Variants in CAP2 observed in about 807,000 individuals in gnomAD.
The protein encoded by CAP2 is cyclase associated actin cytoskeleton regulatory protein 2, also known as adenylyl cyclase-associated protein 2.
Under a neutral mutation model 57.7 loss-of-function variants are expected in CAP2, and 24 were observed. The observed-to-expected ratio is 0.42, with a 90% CI of 0.30 to 0.58. The LOEUF (loss-of-function observed/expected upper bound fraction) is 0.58, where lower values mean the gene tolerates loss of function less well. Among genes scored for constraint, CAP2 ranks in the 20% least tolerant of loss-of-function variants. The probability of loss-of-function intolerance (pLI) is 0.22; values close to 1 mark genes in which losing one functional copy is unlikely to be tolerated. For synonymous variants in CAP2, 194 were observed against 207.2 expected (o/e 0.94, Z 0.55); for missense variants, 501 against 590.3 (o/e 0.85, Z 1.57).
chr6:17,518,094 C>T (rs1165195508), intron 7 of CAP2, among the ~76,000 whole-genome samples: 1 of 152,048 alleles, frequency 6.6e-6, no homozygotes, highest in Non-Finnish European at 1.5e-5. Context: ...ATCTACTTCA[C>T]TTCTCTAATG....
chr6:17,514,045 C>A, intron 7 of CAP2, 91 bp downstream of exon 7: 1 of 821,672 alleles, frequency 1.2e-6, no homozygotes, highest in Non-Finnish European at 2.1e-6. Flanking sequence ...TTAAAACTTA[C>A]CTCAAGGAAA....
chr6:17,492,461 GGCATATTATATC>G (rs1208993408), intron 4 of CAP2, among the ~76,000 whole-genome samples: 1 of 152,174 alleles, frequency 6.6e-6, no homozygotes, highest in African/African-American at 2.4e-5. Flanking sequence ...ATCAGCAGCA[GGCATATTATATC>G]CTGGACTATG....
intron 7 of CAP2, among the ~76,000 whole-genome samples, chr6:17,521,476 G>T (rs1024705385): frequency 6.6e-6 from 1 of 152,166 alleles, no homozygotes; most frequent in African/African-American, 2.4e-5. Flanking sequence ...CAGGTAGATA[G>T]TAAAGTTAGG....
chr6:17,539,038 T>A (rs1318438570), intron 7 of CAP2, among the ~76,000 whole-genome samples: 7 of 152,140 alleles, frequency 4.6e-5, no homozygotes, highest in Admixed American at 1.3e-4. Context: ...GCCGCACAGA[T>A]CCTACTGATG....
chr6:17,444,843 C>CACACACAA (rs1554123214), intron 3 of CAP2, among the ~76,000 whole-genome samples: 1 of 139,632 alleles, frequency 7.2e-6, no homozygotes, highest in Non-Finnish European at 1.6e-5. Context: ...CACACACACA[C>CACACACAA]AACACGAGTC....
intron 7 of CAP2, among the ~76,000 whole-genome samples, chr6:17,525,468 CA>C (rs35979749): frequency 7.2e-4 from 100 of 139,144 alleles, no homozygotes; most frequent in Non-Finnish European, 9.4e-4. Flanking sequence ...GATTCCATCT[CA>C]AAAAAAAAAA....
chr6:17,421,576 G>A lies in CAP2; in HGVS notation c.21G>A (p.Leu7=). 2 of 1,614,192 alleles carry A rather than the reference G, an allele frequency of 1.2e-6. No individual in the cohort carries two copies. The highest frequency in any genetic ancestry group is 1.1e-5 in the South Asian group (1 of 91,086). MANMQG[L]VERLERAVSR... ...CTAGAATGGCCAACATGCAGGGACTGGTGGAAAGACTGGAACGAGCTGTCA... is the reference window on the plus strand; with the variant it reads ...CTAGAATGGCCAACATGCAGGGACTAGTGGAAAGACTGGAACGAGCTGTCA... The change falls in exon 2 of 13, where the codon CTG becomes CTA. Residue 7 remains leucine (L), a synonymous_variant. Coordinates refer to ENST00000229922, the MANE Select transcript of CAP2 (RefSeq NM_006366.3).
intron 7 of CAP2, among the ~76,000 whole-genome samples, chr6:17,523,039 G>A (rs1391390735): frequency 6.6e-6 from 1 of 152,204 alleles, no homozygotes; most frequent in Non-Finnish European, 1.5e-5. Context: ...CAGCCTGCAT[G>A]GGTTCTTAAG....
intron 3 of CAP2, among the ~76,000 whole-genome samples, chr6:17,427,007 G>A (rs1320835747): frequency 6.6e-6 from 1 of 152,152 alleles, no homozygotes; most frequent in African/African-American, 2.4e-5. Context: ...ATGAATTCAG[G>A]TAGTTTTAAG....
intron 1 of CAP2, among the ~76,000 whole-genome samples, chr6:17,402,298 C>G (rs969994406): frequency 2.6e-5 from 4 of 152,132 alleles, no homozygotes; most frequent in African/African-American, 9.7e-5. Context: ...TGGTTTATGT[C>G]TAACCCATTT....
At chr6:17,516,632 T>C (rs1035302758) in intron 7 of CAP2, among the ~76,000 whole-genome samples, 3 of 152,076 alleles carry the variant, frequency 2.0e-5, no homozygotes, top group Admixed American at 6.5e-5. Flanking sequence ...ATAAAGAAAT[T>C]AATGTTAACT....
intron 1 of CAP2, among the ~76,000 whole-genome samples, chr6:17,416,753 TA>T: frequency 6.6e-6 from 1 of 152,256 alleles, no homozygotes; most frequent in East Asian, 1.9e-4. Flanking sequence ...TGGAAGAGGG[TA>T]GAACTATTGA....
intron 1 of CAP2, among the ~76,000 whole-genome samples, chr6:17,395,142 G>A (rs1267469246): frequency 2.6e-5 from 4 of 152,196 alleles, no homozygotes; most frequent in Admixed American, 1.3e-4. Flanking sequence ...CTAGTAGGAA[G>A]TAAGTTTTTG....
intron 3 of CAP2, among the ~76,000 whole-genome samples, chr6:17,438,952 A>AAT (rs1759988335): frequency 6.7e-6 from 1 of 150,356 alleles, no homozygotes; most frequent in South Asian, 2.1e-4. Context: ...CTCTACTAAA[A>AAT]ACACAAAAAT....
Position 17,507,227 on chromosome 6 carries a change from T to C in CAP2, c.359T>C (p.Phe120Ser). The change falls in exon 5 of 13, where the codon TTC (phenylalanine) becomes TCC (serine). Residue 120 changes from phenylalanine to serine, a missense_variant. Transcript: ENST00000229922. ...ISEKIQEIQTFRERNRGSNMF... is the reference protein window; with the variant it reads ...ISEKIQEIQTSRERNRGSNMF... ...GAAAAGATTCAGGAAATCCAAACTT[T>C]CAGAGAGAGAAACCGGGGGAGTAAC... 6.2e-7 allele frequency: 1 copy of C among 1,614,142 alleles called. No individual in the cohort carries two copies. The highest frequency in any genetic ancestry group is 1.3e-5 in the African/African-American group (1 of 75,034).
intron 4 of CAP2, among the ~76,000 whole-genome samples, chr6:17,492,918 G>A (rs889808525): frequency 1.3e-5 from 2 of 152,150 alleles, no homozygotes; most frequent in Non-Finnish European, 2.9e-5. Context: ...CCTAGTAGGT[G>A]CTCAATAAAT....
intron 1 of CAP2, among the ~76,000 whole-genome samples, chr6:17,420,595 G>A (rs1415184452): frequency 6.6e-6 from 1 of 152,152 alleles, no homozygotes; most frequent in African/African-American, 2.4e-5. Flanking sequence ...TTAACAGAAG[G>A]AATTATTGGA....
chr6:17,517,927 A>G (rs1421548556), intron 7 of CAP2, among the ~76,000 whole-genome samples: 1 of 152,138 alleles, frequency 6.6e-6, no homozygotes, highest in Non-Finnish European at 1.5e-5. Context: ...ATAAATAAAT[A>G]GTTATAAAAC....
chr6:17,413,085 G>C (rs1293645111), intron 1 of CAP2, among the ~76,000 whole-genome samples: 1 of 152,130 alleles, frequency 6.6e-6, no homozygotes, highest in Admixed American at 6.5e-5. Context: ...ATTGTAGCTA[G>C]AGAGCTGGGG....
Sources: allele counts gnomAD v4.1 joint callset (sites outside exome capture counted in the v4.1 genomes callset), GRCh38; gene constraint gnomAD v4.1.1; transcripts MANE v1.5; gene names NCBI Gene and HGNC (gene_info 2026-07-23, HGNC 2026-07-21).